CNTN2: variants seen among roughly 807,000 people sequenced by gnomAD.
CNTN2 encodes the protein contactin-2.
In CNTN2, 53 loss-of-function variants were observed where a neutral mutation model predicts 117.5. The ratio of observed to expected loss-of-function variants is 0.45; its 90% CI spans 0.36 to 0.57. The LOEUF is 0.57. Ranked by LOEUF, CNTN2 falls within the 20% of genes least tolerant of loss-of-function variation. The probability of loss-of-function intolerance (pLI) is 0.00; values close to 1 mark genes in which losing one functional copy is unlikely to be tolerated. For synonymous variants in CNTN2, 530 were observed against 561.7 expected, an observed-to-expected ratio of 0.94 and a Z score of 0.80; for missense variants, 1,106 against 1,404.3, an observed-to-expected ratio of 0.79 and a Z score of 3.39.
chr1:205,058,693 G>A lies in CNTN2; in HGVS notation c.487+30G>A, dbSNP rs1653799269. On this transcript the variant is annotated intron_variant, in intron 5 of 22. Transcript: ENST00000331830. The surrounding 1 kb of genome is among the most constrained non-coding windows in gnomAD (Gnocchi z 4.3). The stretch of plus-strand genomic sequence containing the variant: ...GTCCAGACCTGGGGCCAGGGTTAGA[G>A]AGGGCACAGGAAGGGCTTCCAGATG... The A allele has an allele frequency of 2.6e-6, 4 of 1,559,466 alleles. No homozygotes were observed. Among genetic ancestry groups the A allele is most frequent in the African/African-American group, 1.4e-5 (1 of 73,672 alleles).
chr1:205,065,022 C>A lies in CNTN2; in HGVS notation c.1520-65C>A. 1.3e-6 allele frequency: 2 copies of A among 1,553,016 alleles called. No individual in the cohort carries two copies. Among genetic ancestry groups the A allele is most frequent in the South Asian group, 1.2e-5 (1 of 86,104 alleles). ...CTTAGGACAGAGCCTCTCAGCCTGCCCTGCGGACCCGGCCTGGGCCCATTT... is the reference window on the plus strand; with the variant it reads ...CTTAGGACAGAGCCTCTCAGCCTGCACTGCGGACCCGGCCTGGGCCCATTT... On this transcript the variant is annotated intron_variant, in intron 12 of 22. Transcript: ENST00000331830. This position sits in a 1 kb window ranked among gnomAD's most constrained non-coding sequence, Gnocchi z 4.1.
At position 205,077,766 on chromosome 1, in the gene CNTN2, T is replaced by C. The variant is rs16855045; in HGVS notation, c.*4001T>C. 0.19 allele frequency: 28,634 copies of C among 152,214 alleles called. 3,001 individuals carry two copies. The highest frequency in any genetic ancestry group is 0.39 in the East Asian group (2,012 of 5,148). 9.4% of individuals were successfully genotyped at this position (152,214 alleles called of 1,614,324 possible). A position where few individuals can be genotyped will look rare whatever the true frequency, so the allele number is the denominator to read the frequency against. ...TAGTGCCCTTAGATGGGATACATCTTGCCTCGGCCCCAAGACTCCTCCAAC... is the reference window on the plus strand; with the variant it reads ...TAGTGCCCTTAGATGGGATACATCTCGCCTCGGCCCCAAGACTCCTCCAAC... On this transcript the variant is annotated 3_prime_UTR_variant, in exon 23 of 23. Transcript: ENST00000331830.
At chr1:205,045,706 C>A (rs2096440471) in intron 1 of CNTN2, among the ~76,000 whole-genome samples, 1 of 152,126 alleles carries the variant, frequency 6.6e-6, no homozygotes, top group Non-Finnish European at 1.5e-5. Flanking sequence ...GATTGATATG[C>A]AGGGGAGGAA....
chr1:205,050,706 T>C (rs1332369625), intron 1 of CNTN2, among the ~76,000 whole-genome samples: 1 of 152,058 alleles, frequency 6.6e-6, no homozygotes, highest in African/African-American at 2.4e-5. Context: ...GCAACTTCCA[T>C]CTCCCAAGTT....
intron 1 of CNTN2, among the ~76,000 whole-genome samples, chr1:205,046,583 C>T (rs2096441905): frequency 6.6e-6 from 1 of 152,192 alleles, no homozygotes; most frequent in Admixed American, 6.5e-5. Flanking sequence ...GGTTGGACCT[C>T]ACCCCCACCA....
At position 205,058,905 on chromosome 1, in the gene CNTN2, G is replaced by A. The variant is rs564275833; in HGVS notation, c.488-179G>A. The stretch of plus-strand genomic sequence containing the variant: ...GGCTGCGATCCCTGGCAGACTTAGC[G>A]CTCCCTGAGGGCAGGAATAAAGTCA... On this transcript the variant is annotated intron_variant, in intron 5 of 22. Coordinates refer to ENST00000331830, the MANE Select transcript of CNTN2 (RefSeq NM_005076.5). The surrounding 1 kb of genome is among the most constrained non-coding windows in gnomAD (Gnocchi z 4.3). 8.7e-6 allele frequency: 6 copies of A among 690,938 alleles called. No individual in the cohort carries two copies. Among genetic ancestry groups the A allele is most frequent in the African/African-American group, 5.4e-5 (3 of 55,746 alleles). 42.8% of individuals were successfully genotyped at this position (690,938 alleles called of 1,614,324 possible).
chr1:205,070,651 T>A (rs1405003893), intron 19 of CNTN2, 113 bp downstream of exon 19: 1 of 737,266 alleles, frequency 1.4e-6, no homozygotes, highest in Non-Finnish European at 2.3e-6. Flanking sequence ...TTCGCTGACA[T>A]GGCAAACTGA....
chr1:205,073,236 G>A lies in CNTN2; in HGVS notation c.3013G>A (p.Gly1005Ser). 1.9e-6 allele frequency: 3 copies of A among 1,613,886 alleles called. No individual in the cohort carries two copies. Among genetic ancestry groups the A allele is most frequent in the Non-Finnish European group, 2.5e-6 (3 of 1,179,962 alleles). The change falls in exon 22 of 23, where the codon GGC becomes AGC. Residue 1005 changes from glycine (G) to serine (S), a missense_variant and splice_region_variant. By Grantham distance (56) the Gly-to-Ser change is moderately conservative. Transcript: ENST00000331830. The surrounding 1 kb of genome is among the most constrained non-coding windows in gnomAD (Gnocchi z 6.3). ...AGAAGTCCACATCGTGAGGAATGGA[G>A]GTGCTGCTCCTCCCCTACCCTTATC... Reference protein sequence around the residue: ...PAEVHIVRNGGTSMMVENMAV... With the variant: ...PAEVHIVRNGSTSMMVENMAV...
intron 16 of CNTN2, chr1:205,067,569 A>G (rs567777375): frequency 1.7e-5 from 4 of 241,860 alleles, no homozygotes; most frequent in Admixed American, 1.0e-4. Flanking sequence ...CAGAGCTTGG[A>G]CTTGAACCCA....
rs2151189655 is a variant in CNTN2 at position 205,058,613 on chromosome 1, A to G, written c.437A>G (p.His146Arg). Residue 146 changes from histidine to arginine, a missense_variant, in exon 5 of 23, where the codon CAT becomes CGT. His to Arg is a conservative substitution (Grantham distance 29, BLOSUM62 0). Coordinates refer to ENST00000331830, the MANE Select transcript of CNTN2 (RefSeq NM_005076.5). The surrounding 1 kb of genome is among the most constrained non-coding windows in gnomAD (Gnocchi z 4.3). ...SKEERDPVKA[H>R]EGWGVMLPCN... is the part of the protein sequence containing the mutation. ...GAGGAGCGAGACCCAGTGAAAGCTC[A>G]TGAAGGCTGGGGGGTGATGTTGCCC... is the stretch of plus-strand genomic sequence containing the variant. 1 of 1,613,792 alleles carries G rather than the reference A, an allele frequency of 6.2e-7. No individual in the cohort carries two copies. Among genetic ancestry groups the G allele is most frequent in the South Asian group, 1.1e-5 (1 of 91,058 alleles).
Position 205,048,965 on chromosome 1 carries a change from C to A in CNTN2, c.-86-4135C>A, listed in dbSNP as rs2096447182. On this transcript the variant is annotated intron_variant, in intron 1 of 22. Transcript: ENST00000331830. The surrounding 1 kb of genome is among the most constrained non-coding windows in gnomAD (Gnocchi z 4.1). Reference sequence around the variant, plus strand: ...TGTGTGTGTGTGTGTGTGTGTTCACCCAAGGCTGTGGCACACAATGGAGCT... The same window carrying A: ...TGTGTGTGTGTGTGTGTGTGTTCACACAAGGCTGTGGCACACAATGGAGCT... Among the ~76,000 whole-genome samples the A allele has an allele frequency of 1.4e-5, 2 of 140,234 alleles. No homozygotes were observed. The highest frequency in any genetic ancestry group is 1.5e-4 in the Admixed American group (2 of 13,738). The allele number at this position is 140,234 out of a possible 152,430, so 92.0% of individuals were successfully genotyped here.
At chr1:205,067,785 G>A (rs1424483359) in intron 16 of CNTN2, 1 of 152,588 alleles carries the variant, frequency 6.6e-6, no homozygotes, top group Non-Finnish European at 1.5e-5. Flanking sequence ...AAATTAGCCA[G>A]GCGTGGTGAC....
chr1:205,073,626 C>G lies in CNTN2; in HGVS notation c.3014-30C>G. ...AGGGTGGGGCTAGGGTAGTCCCAGGCCCAGCTGACTCAGCTTGTGCTGGTT... is the reference window on the plus strand; with the variant it reads ...AGGGTGGGGCTAGGGTAGTCCCAGGGCCAGCTGACTCAGCTTGTGCTGGTT... On this transcript the variant is annotated intron_variant, in intron 22 of 22. Transcript: ENST00000331830. The surrounding 1 kb of genome is among the most constrained non-coding windows in gnomAD (Gnocchi z 6.3). The G allele has an allele frequency of 6.2e-7, 1 of 1,600,588 alleles. No homozygotes were observed. Among genetic ancestry groups the G allele is most frequent in the Non-Finnish European group, 8.5e-7 (1 of 1,171,210 alleles).
intron 11 of CNTN2, 67 bp downstream of exon 11, chr1:205,064,539 T>A: frequency 6.3e-7 from 1 of 1,595,768 alleles, no homozygotes; most frequent in South Asian, 1.1e-5. Context: ...CCAATTCCCC[T>A]CCTGTGACAA....
Position 205,058,886 on chromosome 1 carries a change from G to C in CNTN2, c.488-198G>C. The C allele has an allele frequency of 4.4e-6, 3 of 676,098 alleles. No individual in the cohort carries two copies. Among genetic ancestry groups the C allele is most frequent in the Non-Finnish European group, 7.5e-6 (3 of 402,518 alleles). The allele number at this position is 676,098 out of a possible 1,614,324, so 41.9% of individuals were successfully genotyped here. On this transcript the variant is annotated intron_variant, in intron 5 of 22. Transcript: ENST00000331830. The surrounding 1 kb of genome is among the most constrained non-coding windows in gnomAD (Gnocchi z 4.3). ...AAACTGGGTGGCCCCTGAGGGCTGC[G>C]ATCCCTGGCAGACTTAGCGCTCCCT...
At position 205,053,151 on chromosome 1, in the gene CNTN2, C is replaced by T; in HGVS notation, c.-35C>T. 1 of 1,581,502 alleles carries T rather than the reference C, an allele frequency of 6.3e-7. No homozygotes were observed. The highest frequency in any genetic ancestry group is 8.6e-7 in the Non-Finnish European group (1 of 1,157,544). ...GTCCCCAAGCTGAGCTGAGGCTCTT[C>T]TCCTCCGATCCCCACCTCTGCCCGG... On this transcript the variant is annotated 5_prime_UTR_variant, in exon 2 of 23. Transcript: ENST00000331830.
chr1:205,050,520 TACAG>T (rs1290143027), intron 1 of CNTN2, among the ~76,000 whole-genome samples: 2 of 152,370 alleles, frequency 1.3e-5, no homozygotes, highest in East Asian at 3.9e-4. Flanking sequence ...TCACTTTCAG[TACAG>T]TATTCAATAC....
chr1:205,073,557 C>A lies in CNTN2; in HGVS notation c.3014-99C>A. On this transcript the variant is annotated intron_variant, in intron 22 of 22. Transcript: ENST00000331830. This position sits in a 1 kb window ranked among gnomAD's most constrained non-coding sequence, Gnocchi z 6.3. ...CAGCCGTCCGCTCCCAGGCCTGCAG[C>A]TGGCCCTGTGAGTCTCCTTAGGAAA... The A allele has an allele frequency of 9.3e-7, 1 of 1,080,546 alleles. No individual in the cohort carries two copies. The highest frequency in any genetic ancestry group is 1.4e-6 in the Non-Finnish European group (1 of 732,354). 66.9% of individuals were successfully genotyped at this position (1,080,546 alleles called of 1,614,324 possible).
At chr1:205,067,419 T>C (rs1015537174) in intron 16 of CNTN2, 169 bp downstream of exon 16, 7 of 679,368 alleles carry the variant, frequency 1.0e-5, no homozygotes, top group Non-Finnish European at 1.6e-5. Flanking sequence ...CCAGGGCCAC[T>C]GCATGGACAA....
Sources: allele counts gnomAD v4.1 joint callset (sites outside exome capture counted in the v4.1 genomes callset), GRCh38; gene constraint gnomAD v4.1.1; non-coding constraint Gnocchi (gnomAD v3.1); transcripts MANE v1.5; gene names NCBI Gene and HGNC (gene_info 2026-07-23, HGNC 2026-07-21).